Variants in RALGAPA2 observed in about 807,000 individuals in gnomAD.
RALGAPA2 encodes the protein Ral GTPase activating protein catalytic subunit alpha 2, also known as ral GTPase-activating protein subunit alpha-2.
Under a neutral mutation model 230.4 loss-of-function variants are expected in RALGAPA2, and 139 were observed. The ratio of observed to expected loss-of-function variants is 0.60; its 90% CI spans 0.53 to 0.69. The LOEUF is 0.69. RALGAPA2 is among the 30% of genes least tolerant of loss of function. The pLI is 0.00. For synonymous variants in RALGAPA2, 847 were observed against 837.8 expected (o/e 1.01, Z -0.19); for missense variants, 2,163 against 2,276.0 (o/e 0.95, Z 1.01).
chr20:20,530,099 G>A (rs995921540), intron 27 of RALGAPA2, among the ~76,000 whole-genome samples: 4 of 152,146 alleles, frequency 2.6e-5, no homozygotes, highest in African/African-American at 9.7e-5. Flanking sequence ...GGAGTCAGGA[G>A]GTATCCCACA....
chr20:20,400,726 A>G (rs1017107915), intron 38 of RALGAPA2, among the ~76,000 whole-genome samples: 1 of 152,212 alleles, frequency 6.6e-6, no homozygotes, highest in Non-Finnish European at 1.5e-5. Context: ...GTGGCCACAG[A>G]GGACCCGAAC....
chr20:20,558,198 G>A (rs544826973), intron 23 of RALGAPA2, among the ~76,000 whole-genome samples: 1 of 152,026 alleles, frequency 6.6e-6, no homozygotes, highest in East Asian at 1.9e-4. Context: ...TAGAGATGGG[G>A]CTTCGCCATG....
At chr20:20,506,595 C>G (rs1000815211) in intron 33 of RALGAPA2, among the ~76,000 whole-genome samples, 1 of 152,064 alleles carries the variant, frequency 6.6e-6, no homozygotes, top group Non-Finnish European at 1.5e-5. Context: ...CCAACTTTCT[C>G]CTTTTTTTGC....
Position 20,546,757 on chromosome 20 carries a change from C to A in RALGAPA2, c.3232G>T (p.Val1078Leu). The change falls in exon 24 of 40, where the codon GTG (valine) becomes TTG (leucine). Residue 1078 changes from valine to leucine, a missense_variant. Val to Leu is a conservative substitution (Grantham distance 32). Transcript: ENST00000202677. Reference protein sequence around the residue: ...SLGFPGFSMLVGDFITAAARV... With the variant: ...SLGFPGFSMLLGDFITAAARV... ...GCAGCGGCCGTGATGAAGTCCCCCACCAGCATTGAGAAGCCAGGAAAACCC... is the reference window on the plus strand; with the variant it reads ...GCAGCGGCCGTGATGAAGTCCCCCAACAGCATTGAGAAGCCAGGAAAACCC... The A allele has an allele frequency of 6.2e-7, 1 of 1,611,994 alleles. No individual in the cohort carries two copies. Among genetic ancestry groups the A allele is most frequent in the Non-Finnish European group, 8.5e-7 (1 of 1,179,260 alleles).
chr20:20,566,823 T>G (rs969007849), intron 23 of RALGAPA2, among the ~76,000 whole-genome samples: 4 of 152,200 alleles, frequency 2.6e-5, no homozygotes, highest in African/African-American at 9.7e-5. Flanking sequence ...ATACACTTTA[T>G]CACACTCTAT....
intron 6 of RALGAPA2, 92 bp from the exon 7 acceptor site, chr20:20,639,992 T>C (rs2066979940): frequency 5.4e-6 from 5 of 930,618 alleles, no homozygotes; most frequent in Non-Finnish European, 8.6e-6. Flanking sequence ...TTAAAATACA[T>C]CTCTCCATCC....
chr20:20,705,983 A>G (rs1483337904), intron 1 of RALGAPA2, among the ~76,000 whole-genome samples: 1 of 152,216 alleles, frequency 6.6e-6, no homozygotes, highest in East Asian at 1.9e-4. Flanking sequence ...TTTTCTAAAT[A>G]AAAAATTCTC....
At chr20:20,606,187 G>A (rs1018401358) in intron 14 of RALGAPA2, among the ~76,000 whole-genome samples, 2 of 152,014 alleles carry the variant, frequency 1.3e-5, no homozygotes, top group African/African-American at 2.4e-5. Flanking sequence ...CTTCTTGAAC[G>A]AATGTTCCAC....
At chr20:20,591,409 A>G (rs905679122) in intron 16 of RALGAPA2, 95 bp from the exon 17 acceptor site, 7 of 1,347,466 alleles carry the variant, frequency 5.2e-6, no homozygotes, top group Middle Eastern at 2.2e-4. Flanking sequence ...TAAAGTTTCA[A>G]ATGCTTTTCA....
chr20:20,480,174 A>C (rs1052099086), intron 36 of RALGAPA2, among the ~76,000 whole-genome samples: 2 of 152,228 alleles, frequency 1.3e-5, no homozygotes, highest in African/African-American at 4.8e-5. Flanking sequence ...GATTTAATGC[A>C]TGGCATGTAT....
intron 1 of RALGAPA2, among the ~76,000 whole-genome samples, chr20:20,710,649 A>C (rs1052443524): frequency 2.0e-5 from 3 of 151,778 alleles, no homozygotes; most frequent in Non-Finnish European, 2.9e-5. Flanking sequence ...AAGTTCCCTA[A>C]AATAAGACCT....
chr20:20,601,025 G>C (rs1029170879), intron 16 of RALGAPA2, among the ~76,000 whole-genome samples: 4 of 152,012 alleles, frequency 2.6e-5, no homozygotes, highest in Non-Finnish European at 2.9e-5. Flanking sequence ...GCTTGAACCC[G>C]GAAGGCAGAG....
At position 20,583,199 on chromosome 20, in the gene RALGAPA2, A is replaced by C; in HGVS notation, c.2558T>G (p.Leu853Arg). 6.2e-7 allele frequency: 1 copy of C among 1,611,586 alleles called. No individual in the cohort carries two copies. Among genetic ancestry groups the C allele is most frequent in the Non-Finnish European group, 8.5e-7 (1 of 1,178,934 alleles). Residue 853 changes from leucine to arginine, a missense_variant, in exon 20 of 40, where the codon CTG becomes CGG. Transcript: ENST00000202677. The part of the protein sequence containing the change: ...KSESTNSDTT[L>R]GCTNEAELSM... ...CAGCTCTGCCTCATTGGTACAGCCC[A>C]GAGTTGTGTCACTGTTGGTACTTTC...
At chr20:20,545,392 C>T (rs2063753970) in intron 24 of RALGAPA2, among the ~76,000 whole-genome samples, 2 of 152,064 alleles carry the variant, frequency 1.3e-5, no homozygotes, top group South Asian at 2.1e-4. Context: ...CCTTTCTTCT[C>T]TTTTGCTCCT....
chr20:20,656,774 C>G lies in RALGAPA2; in HGVS notation c.271-3187G>C, dbSNP rs562393418. Among the ~76,000 whole-genome samples the G allele has an allele frequency of 1.1e-3, 161 of 152,192 alleles. No individual in the cohort carries two copies. In the Middle Eastern group the frequency reaches 0.014, roughly 13 times the overall value. ...CCCATGGGCACATAGGATCAAGAAC[C>G]CAAGCTGGTTTACAACCTACAGGAA... On this transcript the variant is annotated intron_variant, in intron 3 of 39. Coordinates refer to ENST00000202677, the MANE Select transcript of RALGAPA2 (RefSeq NM_020343.4).
chr20:20,541,087 A>G (rs1195605734), intron 24 of RALGAPA2, among the ~76,000 whole-genome samples: 1 of 147,008 alleles, frequency 6.8e-6, no homozygotes, highest in Admixed American at 6.8e-5. Flanking sequence ...CGTATACAAG[A>G]GTTCTCTTTC....
At chr20:20,658,538 C>A (rs905006058) in intron 3 of RALGAPA2, among the ~76,000 whole-genome samples, 1 of 152,188 alleles carries the variant, frequency 6.6e-6, no homozygotes, top group Non-Finnish European at 1.5e-5. Context: ...GAAAGCCACA[C>A]AGTGTGAATA....
intron 1 of RALGAPA2, among the ~76,000 whole-genome samples, chr20:20,693,940 C>CA (rs2069010310): frequency 6.6e-6 from 1 of 151,952 alleles, no homozygotes; most frequent in Non-Finnish European, 1.5e-5. Context: ...CCCATCTCTA[C>CA]AAAAAATACA....
rs1381725967 is a variant in RALGAPA2 at position 20,472,967 on chromosome 20, G to C, written c.5368-11C>G. On this transcript the variant is annotated splice_polypyrimidine_tract_variant and intron_variant, in intron 36 of 39. Coordinates refer to ENST00000202677, the MANE Select transcript of RALGAPA2 (RefSeq NM_020343.4). ...CCCAAAAAATGGAACCTGTTGATTTGAAATGGAAAAACAAATTTTAAAAAC... is the reference window on the plus strand; with the variant it reads ...CCCAAAAAATGGAACCTGTTGATTTCAAATGGAAAAACAAATTTTAAAAAC... The C allele has an allele frequency of 7.6e-6, 12 of 1,589,030 alleles. No individual in the cohort carries two copies. The highest frequency in any genetic ancestry group is 1.0e-5 in the Non-Finnish European group (12 of 1,172,028).
Sources: allele counts gnomAD v4.1 joint callset (sites outside exome capture counted in the v4.1 genomes callset), GRCh38; gene constraint gnomAD v4.1.1; transcripts MANE v1.5; gene names NCBI Gene and HGNC (gene_info 2026-07-23, HGNC 2026-07-21).